Variants in RPRD1B observed in about 807,000 individuals in gnomAD.
RPRD1B encodes the protein regulation of nuclear pre-mRNA domain-containing protein 1B.
Under a neutral mutation model 41.5 loss-of-function variants are expected in RPRD1B, and 11 were observed. The ratio of observed to expected loss-of-function variants is 0.27; its 90% confidence interval spans 0.17 to 0.44. RPRD1B has a LOEUF of 0.44. RPRD1B is among the 20% of genes least tolerant of loss of function. RPRD1B has a pLI of 1.00. For synonymous variants in RPRD1B, 158 were observed against 155.6 expected, an observed-to-expected ratio of 1.02 and a Z score of -0.12; for missense variants, 248 against 389.9, an observed-to-expected ratio of 0.64 and a Z score of 3.06.
intron 6 of RPRD1B, among the ~76,000 whole-genome samples, chr20:38,072,747 G>T (rs1453430749): frequency 6.6e-6 from 1 of 151,194 alleles, no homozygotes; most frequent in Non-Finnish European, 1.5e-5. Context: ...TATTATAAAG[G>T]CCCTGTCTAG....
At chr20:38,052,752 GTTTTTTTTT>G (rs146687415) in intron 3 of RPRD1B, among the ~76,000 whole-genome samples, 1 of 81,702 alleles carries the variant, frequency 1.2e-5, no homozygotes, top group African/African-American at 4.8e-5. Context: ...CAAACGCGGT[GTTTTTTTTT>G]TTTTTTTTTT....
At chr20:38,047,907 G>A (rs2074136164) in intron 2 of RPRD1B, among the ~76,000 whole-genome samples, 1 of 152,120 alleles carries the variant, frequency 6.6e-6, no homozygotes, top group African/African-American at 2.4e-5. Context: ...AGAGGTGTTG[G>A]TGTGTTAGAA....
In RPRD1B at chr20:38,092,127, T is replaced by C. The variant is rs2074616579; in HGVS notation, c.*2252T>C. The C allele has an allele frequency of 1.0e-6, 1 of 985,650 alleles. No individual in the cohort carries two copies. Among genetic ancestry groups the C allele is most frequent in the Non-Finnish European group, 1.2e-6 (1 of 829,930 alleles). 61.1% of individuals were successfully genotyped at this position (985,650 alleles called of 1,614,324 possible). A position where few individuals can be genotyped will look rare whatever the true frequency, so the allele number is the denominator to read the frequency against. ...GGGTGGTTTTTGTTTTTGTGTTTTTTCTTTCTTAGGGCATCTGTAGGCCTC... is the reference window on the plus strand; with the variant it reads ...GGGTGGTTTTTGTTTTTGTGTTTTTCCTTTCTTAGGGCATCTGTAGGCCTC... On this transcript the variant is annotated 3_prime_UTR_variant, in exon 7 of 7. Coordinates refer to ENST00000373433, the MANE Select transcript of RPRD1B (RefSeq NM_021215.4).
At chr20:38,055,196 ATAGT>A (rs1317157330) in intron 3 of RPRD1B, among the ~76,000 whole-genome samples, 18 of 152,362 alleles carry the variant, frequency 1.2e-4, no homozygotes, top group African/African-American at 4.3e-4. Context: ...TAATAAACTA[ATAGT>A]TATTTAATAT....
intron 6 of RPRD1B, among the ~76,000 whole-genome samples, chr20:38,088,209 T>C (rs950935244): frequency 1.3e-5 from 2 of 152,230 alleles, no homozygotes; most frequent in African/African-American, 4.8e-5. Flanking sequence ...CTTGGACTTT[T>C]GTCTTTACAA....
At chr20:38,034,748 G>A (rs1461207230) in intron 1 of RPRD1B, among the ~76,000 whole-genome samples, 2 of 152,218 alleles carry the variant, frequency 1.3e-5, no homozygotes, top group African/African-American at 2.4e-5. Flanking sequence ...CCTCTCTCAT[G>A]CAGTTGTCAT....
intron 3 of RPRD1B, among the ~76,000 whole-genome samples, chr20:38,053,964 A>G (rs181381176): frequency 1.7e-4 from 26 of 152,260 alleles, no homozygotes; most frequent in Admixed American, 1.6e-3. Flanking sequence ...CCTGGAACCA[A>G]TCCCCCATGG....
rs1366032091 is a variant in RPRD1B, at chr20:38,033,877, C to T, written c.-71C>T. 6.8e-7 allele frequency: 1 copy of T among 1,474,972 alleles called. No homozygotes were observed. Among genetic ancestry groups the T allele is most frequent in the South Asian group, 1.3e-5 (1 of 75,636 alleles). 91.4% of individuals were successfully genotyped at this position (1,474,972 alleles called of 1,614,324 possible). A position where few individuals can be genotyped will look rare whatever the true frequency, so the allele number is the denominator to read the frequency against. ...GCAGCCTGTCAGGTGAGGCCCCGGCCTCGTGCCGTCGCTCTTCCCGCCGCA... is the reference window on the plus strand; with the variant it reads ...GCAGCCTGTCAGGTGAGGCCCCGGCTTCGTGCCGTCGCTCTTCCCGCCGCA... On this transcript the variant is annotated 5_prime_UTR_variant, in exon 1 of 7. Transcript: ENST00000373433.
intron 2 of RPRD1B, among the ~76,000 whole-genome samples, chr20:38,047,383 T>C (rs901991050): frequency 6.6e-6 from 1 of 152,150 alleles, no homozygotes; most frequent in Non-Finnish European, 1.5e-5. Flanking sequence ...CGGGTGTGAA[T>C]AGAGTTCCCA....
intron 2 of RPRD1B, among the ~76,000 whole-genome samples, chr20:38,045,769 C>T (rs1002073519): frequency 3.3e-5 from 5 of 152,192 alleles, no homozygotes; most frequent in African/African-American, 1.2e-4. Context: ...TTTAAGCGAA[C>T]AGAGAATCTG....
At chr20:38,085,053 C>T in intron 6 of RPRD1B, among the ~76,000 whole-genome samples, 1 of 152,130 alleles carries the variant, frequency 6.6e-6, no homozygotes, top group East Asian at 1.9e-4. Context: ...CCCACCTCAG[C>T]CCCCCACATC....
intron 6 of RPRD1B, among the ~76,000 whole-genome samples, chr20:38,067,818 G>A (rs17725466): frequency 0.016 from 2,482 of 152,298 alleles, 28 homozygotes; most frequent in Non-Finnish European, 0.028. Flanking sequence ...ACTGTGCCCC[G>A]GGACTAATAA....
At chr20:38,070,488 A>C (rs1842428096) in intron 6 of RPRD1B, 1 of 985,382 alleles carries the variant, frequency 1.0e-6, no homozygotes, top group African/African-American at 1.7e-5. Flanking sequence ...GAGCAAAGAG[A>C]AGCTTTGTTT....
At chr20:38,087,245 C>CCA (rs1466134932) in intron 6 of RPRD1B, among the ~76,000 whole-genome samples, 4 of 152,216 alleles carry the variant, frequency 2.6e-5, no homozygotes, top group African/African-American at 9.6e-5. Context: ...TAGGCATGAG[C>CCA]CACTGCGCCT....
chr20:38,090,727 CCA>C lies in RPRD1B; in HGVS notation c.*859_*860del. ...TGGTGGGCTCCAAAAGATGAAGGCC[CCA>C]CACACAGGTGTGCTGCATTTGGGAT... is the stretch of plus-strand genomic sequence containing the variant. On this transcript the variant is annotated 3_prime_UTR_variant, in exon 7 of 7. Coordinates refer to ENST00000373433, the MANE Select transcript of RPRD1B (RefSeq NM_021215.4). The C allele has an allele frequency of 1.0e-6, 1 of 985,492 alleles. No homozygotes were observed. The highest frequency in any genetic ancestry group is 1.2e-6 in the Non-Finnish European group (1 of 829,982). The allele number at this position is 985,492 out of a possible 1,614,324, so 61.0% of individuals were successfully genotyped here. A position where few individuals can be genotyped will look rare whatever the true frequency, so the allele number is the denominator to read the frequency against.
At chr20:38,080,537 T>C (rs1308793242) in intron 6 of RPRD1B, among the ~76,000 whole-genome samples, 1 of 152,228 alleles carries the variant, frequency 6.6e-6, no homozygotes, top group Non-Finnish European at 1.5e-5. Context: ...ATTTATTTAT[T>C]TTTTTGAGTC....
Position 38,033,891 on chromosome 20 carries a change from C to A in RPRD1B, c.-57C>A. ...GAGGCCCCGGCCTCGTGCCGTCGCT[C>A]TTCCCGCCGCACTGGGCGGCCCAGG... On this transcript the variant is annotated 5_prime_UTR_variant, in exon 1 of 7. Transcript: ENST00000373433. The A allele has an allele frequency of 6.6e-7, 1 of 1,517,088 alleles. No individual in the cohort carries two copies. The highest frequency in any genetic ancestry group is 1.3e-5 in the South Asian group (1 of 77,934). 94.0% of individuals were successfully genotyped at this position (1,517,088 alleles called of 1,614,324 possible). A position where few individuals can be genotyped will look rare whatever the true frequency, so the allele number is the denominator to read the frequency against.
At chr20:38,076,031 T>C (rs1482905247) in intron 6 of RPRD1B, among the ~76,000 whole-genome samples, 1 of 152,234 alleles carries the variant, frequency 6.6e-6, no homozygotes, top group Non-Finnish European at 1.5e-5. Context: ...CCAGCAGCCT[T>C]TCTGAGAATT....
chr20:38,081,983 C>G (rs1715211775), intron 6 of RPRD1B, among the ~76,000 whole-genome samples: 1 of 152,180 alleles, frequency 6.6e-6, no homozygotes, highest in Admixed American at 6.5e-5. Context: ...ATTTTTACAT[C>G]TGTGTTCATC....
Sources: allele counts gnomAD v4.1 joint callset (sites outside exome capture counted in the v4.1 genomes callset), GRCh38; gene constraint gnomAD v4.1.1; transcripts MANE v1.5; gene names NCBI Gene and HGNC (gene_info 2026-07-23, HGNC 2026-07-21).